The following ZEB2 variants were observed in gnomAD, a reference collection of about 807,000 sequenced individuals.
ZEB2 encodes the protein zinc finger E-box binding homeobox 2.
In ZEB2, 6 loss-of-function variants were observed where a neutral mutation model predicts 99.9. The ratio of observed to expected loss-of-function variants is 0.06; its 90% confidence interval spans 0.03 to 0.12. ZEB2 has a LOEUF of 0.12. ZEB2 is among the 10% of genes least tolerant of loss of function. The pLI is 1.00. For missense variants in ZEB2, 969 were observed against 1,502.8 expected (o/e 0.64, Z 5.87); for synonymous variants, 517 against 542.5 (o/e 0.95, Z 0.65).
intron 2 of ZEB2, among the ~76,000 whole-genome samples, chr2:144,448,373 T>C (rs1484318499): frequency 6.6e-6 from 1 of 152,186 alleles, no homozygotes; most frequent in Non-Finnish European, 1.5e-5. Context: ...GGACTCCATT[T>C]TACAGAAGAA....
chr2:144,414,396 G>A (rs1451268978), intron 4 of ZEB2, among the ~76,000 whole-genome samples: 1 of 152,138 alleles, frequency 6.6e-6, no homozygotes, highest in Non-Finnish European at 1.5e-5. Flanking sequence ...CAACCAAGCA[G>A]CCCTTCTCAG....
At chr2:144,403,626 A>ATT (rs1703342141) in intron 6 of ZEB2, among the ~76,000 whole-genome samples, 2 of 152,214 alleles carry the variant, frequency 1.3e-5, no homozygotes, top group African/African-American at 2.4e-5. Context: ...AAATGCTACA[A>ATT]TTTCATTCAC....
intron 9 of ZEB2, among the ~76,000 whole-genome samples, chr2:144,394,987 C>T (rs954086938): frequency 2.8e-5 from 4 of 141,450 alleles, no homozygotes; most frequent in African/African-American, 7.9e-5. Flanking sequence ...ACCTTCCCTT[C>T]GCTTTTTTTT....
At chr2:144,405,544 G>C (rs960930820) in intron 4 of ZEB2, among the ~76,000 whole-genome samples, 12 of 151,722 alleles carry the variant, frequency 7.9e-5, no homozygotes, top group African/African-American at 2.9e-4. Context: ...AGACAGCCAG[G>C]ACTACATAGT....
chr2:144,489,879 T>C (rs1704651638), intron 2 of ZEB2, among the ~76,000 whole-genome samples: 1 of 152,200 alleles, frequency 6.6e-6, no homozygotes, highest in Admixed American at 6.5e-5. Context: ...AGGAAATCTT[T>C]TCAGGACTGA....
chr2:144,396,796 G>C (rs984910115), intron 8 of ZEB2, among the ~76,000 whole-genome samples: 2 of 152,116 alleles, frequency 1.3e-5, no homozygotes, highest in Admixed American at 1.3e-4. Flanking sequence ...AAACTTCTCT[G>C]CCCTGGAAGG....
rs1403040881 is a variant in ZEB2, at chr2:144,401,212, C to T, written c.903G>A (p.Leu301=). 1.2e-6 allele frequency: 2 copies of T among 1,613,986 alleles called. No individual in the cohort carries two copies. The highest frequency in any genetic ancestry group is 1.7e-6 in the Non-Finnish European group (2 of 1,179,980). Residue 301 remains leucine, a synonymous_variant, in exon 7 of 10, where the codon CTG becomes CTA. Coordinates refer to ENST00000627532, the MANE Select transcript of ZEB2 (RefSeq NM_014795.4). ...TCTGCTACTCACCACTGTGAATTCG[C>T]AGGTGTTCTTTCAGATGGTGTTTAT... is the stretch of plus-strand genomic sequence containing the variant. The part of the protein sequence containing the change: ...FKYKHHLKEH[L]RIHSGEKPYE...
At chr2:144,488,775 C>A (rs145881209) in intron 2 of ZEB2, among the ~76,000 whole-genome samples, 1 of 151,642 alleles carries the variant, frequency 6.6e-6, no homozygotes, top group African/African-American at 2.4e-5. Context: ...ATCTTACCTA[C>A]GGTAAATGAA....
intron 2 of ZEB2, among the ~76,000 whole-genome samples, chr2:144,473,869 C>A (rs889201056): frequency 6.6e-6 from 1 of 152,136 alleles, no homozygotes; most frequent in African/African-American, 2.4e-5. Context: ...AGGACATTTT[C>A]TTTAAAAAAT....
intron 4 of ZEB2, among the ~76,000 whole-genome samples, chr2:144,424,012 C>G (rs1052517221): frequency 1.3e-5 from 2 of 152,028 alleles, no homozygotes; most frequent in African/African-American, 4.8e-5. Context: ...CACCCCTCCC[C>G]TCCACAAAAT....
intron 3 of ZEB2, among the ~76,000 whole-genome samples, chr2:144,425,901 G>A (rs371963778): frequency 8.5e-4 from 130 of 152,138 alleles, no homozygotes; most frequent in South Asian, 4.4e-3. Context: ...AGGACTCTAC[G>A]AATTTCCAAA....
chr2:144,402,707 G>A (rs1177341214), intron 6 of ZEB2, among the ~76,000 whole-genome samples: 1 of 152,146 alleles, frequency 6.6e-6, no homozygotes, highest in Non-Finnish European at 1.5e-5. Flanking sequence ...TAAATATCTA[G>A]GCACTTTTTT....
rs1366437692 is a variant in ZEB2 at position 144,386,775 on chromosome 2, C to A, written c.*2676G>T. 1 of 151,994 alleles carries A rather than the reference C, an allele frequency of 6.6e-6. No individual in the cohort carries two copies. Among genetic ancestry groups the A allele is most frequent in the Non-Finnish European group, 1.5e-5 (1 of 68,004 alleles). The allele number at this position is 151,994 out of a possible 1,614,324, so 9.4% of individuals were successfully genotyped here. A position where few individuals can be genotyped will look rare whatever the true frequency, so the allele number is the denominator to read the frequency against. On this transcript the variant is annotated 3_prime_UTR_variant, in exon 10 of 10. Coordinates refer to ENST00000627532, the MANE Select transcript of ZEB2 (RefSeq NM_014795.4). Reference sequence around the variant, plus strand: ...GAATTAATAAAGTTATCGCCTAGAGCCTTTCAAACCAGAAAAATTTATGTA... The same window carrying A: ...GAATTAATAAAGTTATCGCCTAGAGACTTTCAAACCAGAAAAATTTATGTA...
intron 2 of ZEB2, chr2:144,495,419 G>A (rs1232286155): frequency 6.6e-6 from 1 of 152,210 alleles, no homozygotes; most frequent in African/African-American, 2.4e-5. Context: ...TACATTAGGA[G>A]GGAAACGCCT....
intron 2 of ZEB2, among the ~76,000 whole-genome samples, chr2:144,431,298 A>G (rs968827308): frequency 6.6e-6 from 1 of 152,168 alleles, no homozygotes; most frequent in East Asian, 1.9e-4. Flanking sequence ...ATGCTTTTGG[A>G]GAATTCTGGA....
chr2:144,395,550 G>T (rs915525750), intron 9 of ZEB2, among the ~76,000 whole-genome samples: 1 of 151,950 alleles, frequency 6.6e-6, no homozygotes, highest in Non-Finnish European at 1.5e-5. Flanking sequence ...CAAATTTCCA[G>T]TGGAGAAGAA....
At chr2:144,484,046 C>T (rs1704557048) in intron 2 of ZEB2, among the ~76,000 whole-genome samples, 1 of 152,080 alleles carries the variant, frequency 6.6e-6, no homozygotes, top group South Asian at 2.1e-4. Context: ...CAAATGTCTA[C>T]ACAGGCCAAG....
rs749173524 is a variant in ZEB2 at position 144,429,949 on chromosome 2, C to T, written c.151G>A (p.Gly51Ser). The T allele has an allele frequency of 1.1e-5, 17 of 1,613,796 alleles. No individual in the cohort carries two copies. Among genetic ancestry groups the T allele is most frequent in the South Asian group, 3.3e-5 (3 of 91,062 alleles). Residue 51 changes from glycine (G) to serine (S), a missense_variant, in exon 3 of 10, where the codon GGT becomes AGT. By Grantham distance (56) the Gly-to-Ser change is moderately conservative. Coordinates refer to ENST00000627532, the MANE Select transcript of ZEB2 (RefSeq NM_014795.4). ...EDKLHIAEDD[G>S]IANPLDQETS... Reference sequence around the variant, plus strand: ...TCCTGGTCCAGAGGGTTGGCAATACCGTCATCCTCAGCAATATGAAGCTTG... The same window carrying T: ...TCCTGGTCCAGAGGGTTGGCAATACTGTCATCCTCAGCAATATGAAGCTTG...
At chr2:144,502,261 G>A (rs1435141291) in intron 2 of ZEB2, among the ~76,000 whole-genome samples, 1 of 151,954 alleles carries the variant, frequency 6.6e-6, no homozygotes, top group Admixed American at 6.6e-5. Flanking sequence ...TATGAATGGA[G>A]GTAAAAATAA....
Sources: allele counts gnomAD v4.1 joint callset (sites outside exome capture counted in the v4.1 genomes callset), GRCh38; gene constraint gnomAD v4.1.1; transcripts MANE v1.5; gene names NCBI Gene and HGNC (gene_info 2026-07-23, HGNC 2026-07-21).